TMCC1: variants seen among roughly 807,000 people sequenced by gnomAD.
TMCC1 encodes the protein transmembrane and coiled-coil domains protein 1.
Under a neutral mutation model 52.4 loss-of-function variants are expected in TMCC1, and 15 were observed. The ratio of observed to expected loss-of-function variants is 0.29; its 90% CI spans 0.19 to 0.44. The LOEUF (loss-of-function observed/expected upper bound fraction) is 0.44, where lower values mean the gene tolerates loss of function less well. Ranked by LOEUF, TMCC1 falls within the 20% of genes least tolerant of loss-of-function variation. The pLI, the probability that TMCC1 is intolerant of heterozygous loss-of-function variation, is 1.00. For missense variants in TMCC1, 503 were observed against 806.0 expected (o/e 0.62, Z 4.55); for synonymous variants, 279 against 301.9 (o/e 0.92, Z 0.79).
At chr3:129,715,175 TA>T (rs1177657637) in intron 4 of TMCC1, among the ~76,000 whole-genome samples, 2 of 152,294 alleles carry the variant, frequency 1.3e-5, no homozygotes, top group African/African-American at 4.8e-5. Context: ...ACAATTACAG[TA>T]ACAGAGAAAG....
At chr3:129,689,454 T>C (rs1456777898) in intron 4 of TMCC1, among the ~76,000 whole-genome samples, 2 of 152,342 alleles carry the variant, frequency 1.3e-5, no homozygotes, top group East Asian at 1.9e-4. Context: ...GTGGCATGTA[T>C]AAAGTATATC....
chr3:129,883,045 T>C (rs542625977), intron 1 of TMCC1, among the ~76,000 whole-genome samples: 12 of 151,934 alleles, frequency 7.9e-5, no homozygotes, highest in Non-Finnish European at 1.6e-4. Context: ...TCCCAGCACT[T>C]TGGGAGGCCA....
chr3:129,716,495 C>G (rs1212957768), intron 4 of TMCC1, among the ~76,000 whole-genome samples: 2 of 147,320 alleles, frequency 1.4e-5, no homozygotes, highest in Non-Finnish European at 3.0e-5. Flanking sequence ...CCACCACACC[C>G]AGCTAATTTT....
At chr3:129,750,487 C>T (rs2052397428) in intron 4 of TMCC1, among the ~76,000 whole-genome samples, 1 of 151,852 alleles carries the variant, frequency 6.6e-6, no homozygotes, top group South Asian at 2.1e-4. Context: ...CCACCGTGCT[C>T]AGCCTTCAAA....
intron 4 of TMCC1, among the ~76,000 whole-genome samples, chr3:129,802,442 T>C (rs1026052193): frequency 6.6e-6 from 1 of 152,132 alleles, no homozygotes; most frequent in African/African-American, 2.4e-5. Context: ...TTTAAAACAA[T>C]ATGTAAACTA....
chr3:129,881,998 TAAC>T (rs1403709509), intron 1 of TMCC1, among the ~76,000 whole-genome samples: 3 of 151,794 alleles, frequency 2.0e-5, no homozygotes, highest in Non-Finnish European at 2.9e-5. Context: ...TCCAAAAGCT[TAAC>T]AACAAGAGCA....
At chr3:129,841,533 A>T (rs1298909176) in intron 2 of TMCC1, among the ~76,000 whole-genome samples, 1 of 152,186 alleles carries the variant, frequency 6.6e-6, no homozygotes, top group Admixed American at 6.5e-5. Context: ...CAGTGAGCCA[A>T]GATCGTGTCA....
intron 4 of TMCC1, among the ~76,000 whole-genome samples, chr3:129,769,655 T>C (rs939314825): frequency 6.6e-6 from 1 of 151,670 alleles, no homozygotes; most frequent in African/African-American, 2.4e-5. Context: ...AGTCAAAAGA[T>C]TGGACACCCC....
At chr3:129,693,080 G>A (rs190475780) in intron 4 of TMCC1, among the ~76,000 whole-genome samples, 1 of 152,228 alleles carries the variant, frequency 6.6e-6, no homozygotes, top group East Asian at 1.9e-4. Flanking sequence ...CTTAAAAAGT[G>A]AATTTGATTT....
At position 129,875,333 on chromosome 3, in the gene TMCC1, C is replaced by T. The variant is rs1055954224; in HGVS notation, c.-184+4976G>A. Among the ~76,000 whole-genome samples the T allele has an allele frequency of 5.3e-5, 8 of 151,420 alleles. No individual in the cohort carries two copies. The South Asian group carries it at 6.3e-4, about 12-fold the overall frequency. ...CGAAACCCTGTCTCTACTAAAAATACGAAAAAGAATTAGCTGGGTGAGGTA... is the reference window on the plus strand; with the variant it reads ...CGAAACCCTGTCTCTACTAAAAATATGAAAAAGAATTAGCTGGGTGAGGTA... On this transcript the variant is annotated intron_variant, in intron 2 of 6. Transcript: ENST00000393238.
At position 129,650,975 on chromosome 3, in the gene TMCC1, T is replaced by C. The variant is rs1181956279; in HGVS notation, c.*506A>G. 2.6e-5 allele frequency: 4 copies of C among 155,766 alleles called. No individual in the cohort carries two copies. Among genetic ancestry groups the C allele is most frequent in the South Asian group, 3.9e-4 (2 of 5,102 alleles). 9.6% of individuals were successfully genotyped at this position (155,766 alleles called of 1,614,324 possible). ...GAGAAAGCCAGAGAGATCCATGTGT[T>C]CTTCCACGGACAACGAAAATCCACC... On this transcript the variant is annotated 3_prime_UTR_variant, in exon 7 of 7. Transcript: ENST00000393238.
intron 4 of TMCC1, among the ~76,000 whole-genome samples, chr3:129,736,799 C>T (rs191686024): frequency 2.8e-4 from 43 of 152,096 alleles, no homozygotes; most frequent in Middle Eastern, 3.4e-3. Flanking sequence ...GGATTACAAG[C>T]GTGAGCCACT....
intron 2 of TMCC1, among the ~76,000 whole-genome samples, chr3:129,862,564 C>T (rs527628124): frequency 6.6e-6 from 1 of 152,210 alleles, no homozygotes; most frequent in Admixed American, 6.5e-5. Context: ...CACCACAGAA[C>T]TTTGAAAAGA....
intron 4 of TMCC1, among the ~76,000 whole-genome samples, chr3:129,760,251 C>T (rs974831636): frequency 6.6e-6 from 1 of 151,996 alleles, no homozygotes; most frequent in Non-Finnish European, 1.5e-5. Flanking sequence ...GTTCTGTCGC[C>T]CAGGCTTCAG....
At chr3:129,696,677 G>GGAAATAAAA in intron 4 of TMCC1, among the ~76,000 whole-genome samples, 1 of 152,200 alleles carries the variant, frequency 6.6e-6, no homozygotes, top group Admixed American at 6.5e-5. Flanking sequence ...CTATGAGCCT[G>GGAAATAAAA]TAAAATAAAA....
At chr3:129,853,944 T>C (rs1052213694) in intron 2 of TMCC1, among the ~76,000 whole-genome samples, 4 of 152,168 alleles carry the variant, frequency 2.6e-5, no homozygotes, top group Non-Finnish European at 4.4e-5. Context: ...TCCTAAATAT[T>C]CTTGAATGAA....
At chr3:129,744,586 T>A (rs1339268160) in intron 4 of TMCC1, among the ~76,000 whole-genome samples, 3 of 152,178 alleles carry the variant, frequency 2.0e-5, no homozygotes, top group East Asian at 3.8e-4. Flanking sequence ...GTGCCCAGCA[T>A]AACGTCACCA....
At chr3:129,832,337 GA>G (rs1265793438) in intron 3 of TMCC1, among the ~76,000 whole-genome samples, 1 of 152,106 alleles carries the variant, frequency 6.6e-6, no homozygotes, top group African/African-American at 2.4e-5. Context: ...AAGGACACAG[GA>G]AAAAGGGGAG....
At chr3:129,790,631 A>G (rs1441583049) in intron 4 of TMCC1, among the ~76,000 whole-genome samples, 4 of 152,196 alleles carry the variant, frequency 2.6e-5, no homozygotes. Flanking sequence ...GTTTCCTCTG[A>G]TCAGAGTGCA....
Sources: gnomAD v4.1 joint callset for allele counts (sites outside exome capture counted in the v4.1 genomes callset) on GRCh38, gnomAD v4.1.1 for gene constraint, MANE v1.5 for transcripts, NCBI Gene and HGNC (gene_info 2026-07-23, HGNC 2026-07-21) for gene names.